Variants in CARNMT1 observed in about 807,000 individuals in gnomAD.
CARNMT1 encodes the protein protein-L-histidine N-pros-methyltransferase CARNMT1.
Under a neutral mutation model 49.6 loss-of-function variants are expected in CARNMT1, and 28 were observed. The ratio of observed to expected loss-of-function variants is 0.56; its 90% CI spans 0.42 to 0.77. The LOEUF (loss-of-function observed/expected upper bound fraction) is 0.77. CARNMT1 is among the 30% of genes least tolerant of loss of function. The probability of loss-of-function intolerance (pLI) is 0.00; values close to 1 mark genes in which losing one functional copy is unlikely to be tolerated. For missense variants in CARNMT1, 421 were observed against 512.6 expected (o/e 0.82, Z 1.73); for synonymous variants, 178 against 175.0 (o/e 1.02, Z -0.13).
chr9:74,996,700 T>A, intron 5 of CARNMT1, 140 bp from the exon 6 acceptor site: 1 of 555,934 alleles, frequency 1.8e-6, no homozygotes, highest in South Asian at 2.5e-5. Context: ...CTGATCAACA[T>A]TATAATTACA....
intron 3 of CARNMT1, among the ~76,000 whole-genome samples, chr9:75,011,038 A>AGTT (rs2118838655): frequency 6.6e-6 from 1 of 152,332 alleles, no homozygotes; most frequent in South Asian, 2.1e-4. Flanking sequence ...AACATGTAAC[A>AGTT]TGACCCTTTA....
intron 6 of CARNMT1, chr9:74,995,992 C>G (rs1833177703): frequency 6.6e-6 from 1 of 152,128 alleles, no homozygotes; most frequent in Admixed American, 6.6e-5. Flanking sequence ...CTTTCTTAAA[C>G]TCAAGGTAAT....
chr9:74,985,033 AT>A (rs1202308744), intron 6 of CARNMT1, 23 bp from the exon 7 acceptor site: 4 of 1,514,178 alleles, frequency 2.6e-6, no homozygotes, highest in Non-Finnish European at 3.7e-6. Flanking sequence ...GATACTATGA[AT>A]TACTTGAATA....
At chr9:74,985,294 G>C (rs933812872) in intron 6 of CARNMT1, among the ~76,000 whole-genome samples, 3 of 152,200 alleles carry the variant, frequency 2.0e-5, no homozygotes, top group African/African-American at 7.2e-5. Flanking sequence ...AGATGAATCA[G>C]AGAATGCTAA....
At position 75,013,863 on chromosome 9, in the gene CARNMT1, T is replaced by C. The variant is rs534046834; in HGVS notation, c.590+2405A>G. Among the ~76,000 whole-genome samples, 9 of 151,058 alleles carry C rather than the reference T, an allele frequency of 6.0e-5. No individual in the cohort carries two copies. In the South Asian group the frequency reaches 1.3e-3, roughly 21 times the overall value. On this transcript the variant is annotated intron_variant, in intron 3 of 7. Coordinates refer to ENST00000376834, the MANE Select transcript of CARNMT1 (RefSeq NM_152420.3). Reference sequence around the variant, plus strand: ...CTACAAAAAATACTAAAAAATTAGCTGGGAGGCTGAGGTGGGAGGAGTACT... The same window carrying C: ...CTACAAAAAATACTAAAAAATTAGCCGGGAGGCTGAGGTGGGAGGAGTACT...
chr9:75,019,255 C>T lies in CARNMT1; in HGVS notation c.231-1807G>A, dbSNP rs767456228. Among the ~76,000 whole-genome samples, 11 of 152,096 alleles carry T rather than the reference C, an allele frequency of 7.2e-5. No homozygotes were observed. The East Asian group carries it at 1.2e-3, about 16-fold the overall frequency. On this transcript the variant is annotated intron_variant, in intron 1 of 7. Transcript: ENST00000376834. ...AGGTTTTTATTAACCCTATATAATA[C>T]GACTTACTTTCCAACCTGACTCTGG...
Position 75,028,120 on chromosome 9 carries a change from G to C in CARNMT1, c.122C>G (p.Ala41Gly), listed in dbSNP as rs1453288231. The C allele has an allele frequency of 5.1e-6, 8 of 1,558,312 alleles. No homozygotes were observed. The highest frequency in any genetic ancestry group is 6.9e-6 in the Non-Finnish European group (8 of 1,154,750). ...QFSAGRWGSA[A>G]AVSAAAAAAT... is the part of the protein sequence containing the mutation. The stretch of plus-strand genomic sequence containing the variant: ...CGCCGCCGCTGCCGCCGAAACCGCC[G>C]CGGCCGAGCCCCAACGCCCGGCGGA... The change falls in exon 1 of 8, where the codon GCG becomes GGG. Residue 41 changes from alanine (A) to glycine (G), a missense_variant. By Grantham distance (60) the Ala-to-Gly change is moderately conservative (BLOSUM62 0). Around this residue, in one of 2 missense-constraint regions of CARNMT1, gnomAD observed 186 missense variants for 167.9 expected, o/e 1.11. Coordinates refer to ENST00000376834, the MANE Select transcript of CARNMT1 (RefSeq NM_152420.3).
Position 74,983,883 on chromosome 9 carries a change from A to G in CARNMT1, c.1129-15T>C. On this transcript the variant is annotated splice_polypyrimidine_tract_variant and intron_variant, in intron 7 of 7. Coordinates refer to ENST00000376834, the MANE Select transcript of CARNMT1 (RefSeq NM_152420.3). ...TCTTTTTCCACCTGCAATGCAAACA[A>G]TAATCATAATACTATGACAGTCATC... The G allele has an allele frequency of 6.4e-7, 1 of 1,558,462 alleles. No homozygotes were observed. Among genetic ancestry groups the G allele is most frequent in the Non-Finnish European group, 8.8e-7 (1 of 1,141,788 alleles).
In CARNMT1 at chr9:74,981,483, T is replaced by A. The variant is rs1292210600; in HGVS notation, c.*2284A>T. ...CTCCAGTGATACTTCTATTATTGAT[T>A]GATACCACATTTTCAAGTTTAGAAT... On this transcript the variant is annotated 3_prime_UTR_variant, in exon 8 of 8. Coordinates refer to ENST00000376834, the MANE Select transcript of CARNMT1 (RefSeq NM_152420.3). 1 of 152,146 alleles carries A rather than the reference T, an allele frequency of 6.6e-6. No homozygotes were observed. The highest frequency in any genetic ancestry group is 1.9e-4 in the East Asian group (1 of 5,200). 9.4% of individuals were successfully genotyped at this position (152,146 alleles called of 1,614,324 possible).
intron 1 of CARNMT1, among the ~76,000 whole-genome samples, chr9:75,021,841 G>C (rs1300674255): frequency 6.6e-6 from 1 of 152,112 alleles, no homozygotes; most frequent in Non-Finnish European, 1.5e-5. Flanking sequence ...GGGAGGCTGA[G>C]GTAGGAGAAT....
chr9:75,007,403 C>A (rs764900736), intron 3 of CARNMT1, among the ~76,000 whole-genome samples: 3 of 152,038 alleles, frequency 2.0e-5, no homozygotes, highest in Non-Finnish European at 4.4e-5. Flanking sequence ...TGACAAAATT[C>A]AGCACTCTAT....
Position 74,985,120 on chromosome 9 carries a change from A to T in CARNMT1, c.1025-110T>A, listed in dbSNP as rs534752556. 370 of 796,324 alleles carry T rather than the reference A, an allele frequency of 4.6e-4. 1 individual carries two copies. The African/African-American group carries it at 5.8e-3, about 12-fold the overall frequency. 49.3% of individuals were successfully genotyped at this position (796,324 alleles called of 1,614,324 possible). On this transcript the variant is annotated intron_variant, in intron 6 of 7. Transcript: ENST00000376834. Reference sequence around the variant, plus strand: ...AGGTACTGGATGAGACAAACATAAAAAGTCTGGGCATTTGCTGAAAATGCC... The same window carrying T: ...AGGTACTGGATGAGACAAACATAAATAGTCTGGGCATTTGCTGAAAATGCC...
chr9:75,023,643 A>G (rs1486755918), intron 1 of CARNMT1, among the ~76,000 whole-genome samples: 1 of 152,248 alleles, frequency 6.6e-6, no homozygotes, highest in Non-Finnish European at 1.5e-5. Context: ...TTATACCCTT[A>G]TAACTGGGGC....
intron 3 of CARNMT1, among the ~76,000 whole-genome samples, chr9:75,005,116 T>C (rs1166019888): frequency 2.6e-5 from 4 of 152,220 alleles, no homozygotes; most frequent in Non-Finnish European, 5.9e-5. Flanking sequence ...AGAAGAGTTA[T>C]TACATTATGT....
At chr9:75,016,192 A>T in intron 3 of CARNMT1, 76 bp downstream of exon 3, 1 of 1,111,798 alleles carries the variant, frequency 9.0e-7, no homozygotes, top group South Asian at 1.5e-5. Context: ...ATGAAGCGAG[A>T]CTGTGAAACA....
intron 2 of CARNMT1, 146 bp downstream of exon 2, chr9:75,017,107 C>T: frequency 3.2e-6 from 2 of 627,498 alleles, no homozygotes. Flanking sequence ...TAAGCCTAAT[C>T]AAATGACTGA....
intron 1 of CARNMT1, among the ~76,000 whole-genome samples, chr9:75,018,735 A>T (rs1237842803): frequency 6.6e-6 from 1 of 152,192 alleles, no homozygotes; most frequent in Non-Finnish European, 1.5e-5. Context: ...TGGGAGGCCA[A>T]TGTGGGCGGA....
At chr9:74,991,173 T>C (rs1429389928) in intron 6 of CARNMT1, 1 of 151,772 alleles carries the variant, frequency 6.6e-6, no homozygotes, top group Non-Finnish European at 1.5e-5. Flanking sequence ...AGAGGGAGTC[T>C]CGCTCTGTCG....
chr9:75,000,918 G>C (rs1267304318), intron 3 of CARNMT1, among the ~76,000 whole-genome samples: 1 of 152,014 alleles, frequency 6.6e-6, no homozygotes, highest in Non-Finnish European at 1.5e-5. Context: ...AAAACTCATA[G>C]CTCTAGGACT....
Sources: gnomAD v4.1 joint callset for allele counts (sites outside exome capture counted in the v4.1 genomes callset) on GRCh38, gnomAD v4.1.1 for gene constraint, gnomAD v4.1.1 regional missense constraint, MANE v1.5 for transcripts, NCBI Gene and HGNC (gene_info 2026-07-23, HGNC 2026-07-21) for gene names.